Variants in DNPEP observed in about 807,000 individuals in gnomAD.
DNPEP encodes aspartyl aminopeptidase.
In DNPEP, 46 loss-of-function variants were observed where a neutral mutation model predicts 59.1. That is an observed-to-expected ratio of 0.78 (90% CI 0.61 to 0.99). DNPEP has a LOEUF of 0.99. DNPEP is among the 50% of genes least tolerant of loss of function. The probability of loss-of-function intolerance (pLI) is 0.00; values close to 1 mark genes in which losing one functional copy is unlikely to be tolerated. For synonymous variants in DNPEP, 229 were observed against 242.2 expected, an observed-to-expected ratio of 0.95 and a Z score of 0.50; for missense variants, 617 against 649.9, an observed-to-expected ratio of 0.95 and a Z score of 0.55.
In DNPEP at chr2:219,372,948, G is replaced by A. The variant is rs573532196; in HGVS notation, c.*1344C>T. ...ATTAAGTTTTTTAGAAAGCTGAAGT[G>A]GAATATTTATATGGAAATAAACTTT... On this transcript the variant is annotated 3_prime_UTR_variant, in exon 15 of 15. Coordinates refer to ENST00000273075, the MANE Select transcript of DNPEP (RefSeq NM_012100.4). 4.6e-5 allele frequency among the ~76,000 whole-genome samples: 7 copies of A among 152,096 alleles called. 1 individual carries two copies. The highest frequency in any genetic ancestry group is 1.4e-4 in the African/African-American group (6 of 41,494).
intron 10 of DNPEP, among the ~76,000 whole-genome samples, chr2:219,382,705 A>G (rs1301751874): frequency 6.6e-6 from 1 of 152,200 alleles, no homozygotes. Context: ...CTGAAATGGA[A>G]GTCATGTGTT....
chr2:219,379,980 G>A (rs1160826532), intron 13 of DNPEP, among the ~76,000 whole-genome samples: 1 of 151,768 alleles, frequency 6.6e-6, no homozygotes, highest in Admixed American at 6.6e-5. Context: ...CTAATTTATT[G>A]TTGAAGAAAT....
chr2:219,384,770 T>A (rs1953741276), intron 8 of DNPEP: 1 of 257,020 alleles, frequency 3.9e-6, no homozygotes, highest in South Asian at 3.8e-5. Context: ...GGTTTCACCA[T>A]GGTGGTCAGG....
chr2:219,387,596 C>A lies in DNPEP; in HGVS notation c.36+163G>T, dbSNP rs935936573. On this transcript the variant is annotated intron_variant, in intron 1 of 14. Transcript: ENST00000273075. ...CCCACCTAGTCTCTCGCAGGACTCCCCCTTCCAGTCCCGGGAAAGTCGTCA... is the reference window on the plus strand; with the variant it reads ...CCCACCTAGTCTCTCGCAGGACTCCACCTTCCAGTCCCGGGAAAGTCGTCA... 18 of 1,530,192 alleles carry A rather than the reference C, an allele frequency of 1.2e-5. No individual in the cohort carries two copies. The Admixed American group carries it at 3.5e-4, about 29-fold the overall frequency. 94.8% of individuals were successfully genotyped at this position (1,530,192 alleles called of 1,614,324 possible).
At chr2:219,374,720 C>T (rs747786770) in intron 14 of DNPEP, 135 bp downstream of exon 14, 5 of 1,075,094 alleles carry the variant, frequency 4.7e-6, no homozygotes, top group Non-Finnish European at 6.6e-6. Flanking sequence ...TGTTTTCCTA[C>T]ATGGCCCCAG....
At chr2:219,376,494 A>G (rs529602813) in intron 13 of DNPEP, among the ~76,000 whole-genome samples, 1 of 152,154 alleles carries the variant, frequency 6.6e-6, no homozygotes, top group Non-Finnish European at 1.5e-5. Context: ...TCTAAAAAAA[A>G]AAAAAGAAAA....
In DNPEP at chr2:219,386,226, T is replaced by C. The variant is rs1404476896; in HGVS notation, c.459+60A>G. The C allele has an allele frequency of 5.0e-6, 8 of 1,612,596 alleles. No homozygotes were observed. In the Admixed American group the frequency reaches 8.3e-5, roughly 17 times the overall value. On this transcript the variant is annotated intron_variant, in intron 5 of 14. Transcript: ENST00000273075. ...CCACCCCTCTTCCCCACGGGTACCC[T>C]GAGGAGTGTGGCAGTCAGTCTTCTG...
chr2:219,379,530 A>G (rs1953502306), intron 13 of DNPEP, among the ~76,000 whole-genome samples: 1 of 152,236 alleles, frequency 6.6e-6, no homozygotes, highest in African/African-American at 2.4e-5. Context: ...ATAAGGATAC[A>G]AAAAAGAAAA....
intron 1 of DNPEP, chr2:219,399,738 G>A (rs749723095): frequency 1.4e-6 from 1 of 734,398 alleles, no homozygotes; most frequent in African/African-American, 1.8e-5. Context: ...CAGACTGAGA[G>A]CAGGGGACCC....
At chr2:219,387,625 C>A in intron 1 of DNPEP, 134 bp downstream of exon 1, 1 of 1,544,284 alleles carries the variant, frequency 6.5e-7, no homozygotes, top group South Asian at 1.2e-5. Flanking sequence ...GTCGTCAGGT[C>A]ACCCTCCGCG....
chr2:219,381,214 C>G (rs1303042125), intron 13 of DNPEP, 121 bp downstream of exon 13: 2 of 842,856 alleles, frequency 2.4e-6, no homozygotes, highest in African/African-American at 3.3e-5. Context: ...TTTTCTCACT[C>G]TACTGGGACC....
intron 1 of DNPEP, 161 bp downstream of exon 1, chr2:219,387,598 C>G: frequency 6.5e-7 from 1 of 1,531,684 alleles, no homozygotes; most frequent in South Asian, 1.2e-5. Context: ...AGGACTCCCC[C>G]TTCCAGTCCC....
intron 1 of DNPEP, 151 bp from the exon 2 acceptor site, chr2:219,387,314 C>A: frequency 6.9e-7 from 1 of 1,447,380 alleles, no homozygotes; most frequent in African/African-American, 1.4e-5. Context: ...AGACCCAAAC[C>A]CAGGGCTGAA....
At chr2:219,391,975 G>T (rs1379668363), upstream of DNPEP, among the ~76,000 whole-genome samples, 1 of 151,886 alleles carries the variant, frequency 6.6e-6, no homozygotes, top group African/African-American at 2.4e-5. Context: ...TAAGGTGAGG[G>T]CCTTTAGATA....
intron 1 of DNPEP, among the ~76,000 whole-genome samples, chr2:219,396,310 G>T (rs1954096135): frequency 6.6e-6 from 1 of 152,164 alleles, no homozygotes; most frequent in Admixed American, 6.5e-5. Flanking sequence ...ACAAGGGCTG[G>T]GCGTGGGTGG....
In DNPEP at chr2:219,385,669, C is replaced by T; in HGVS notation, c.628G>A (p.Glu210Lys). 1 of 1,610,474 alleles carries T rather than the reference C, an allele frequency of 6.2e-7. No homozygotes were observed. Among genetic ancestry groups the T allele is most frequent in the East Asian group, 2.2e-5 (1 of 44,788 alleles). Residue 210 changes from glutamate to lysine, a missense_variant, in exon 7 of 15, where the codon GAG becomes AAG. Glu to Lys is a moderately conservative substitution (Grantham distance 56, BLOSUM62 1). Coordinates refer to ENST00000273075, the MANE Select transcript of DNPEP (RefSeq NM_012100.4). ...GGCCCTGGCTCAGGAGTCCCCTTCT[C>T]CAGCTCCTCCTGGATGGCTGTGGCA... ...ILATAIQEELEKGTPEPGPLN... is the reference protein window; with the variant it reads ...ILATAIQEELKKGTPEPGPLN...
intron 13 of DNPEP, 66 bp downstream of exon 13, chr2:219,381,269 G>C (rs1051008419): frequency 7.2e-7 from 1 of 1,396,010 alleles, no homozygotes; most frequent in Non-Finnish European, 1.0e-6. Context: ...TTCATGGGGG[G>C]CCCATCTGTT....
upstream of DNPEP, chr2:219,387,994 T>C: frequency 8.4e-7 from 1 of 1,192,876 alleles, no homozygotes; most frequent in Non-Finnish European, 1.1e-6. Flanking sequence ...CCCACCTCGG[T>C]CAGCCCCGCC....
intron 13 of DNPEP, among the ~76,000 whole-genome samples, chr2:219,375,692 G>T (rs1953345215): frequency 6.6e-6 from 1 of 152,110 alleles, no homozygotes; most frequent in Non-Finnish European, 1.5e-5. Flanking sequence ...CTCCCAAGTA[G>T]CTGGGATTAC....
Sources: gnomAD v4.1 joint callset for allele counts (sites outside exome capture counted in the v4.1 genomes callset) on GRCh38, gnomAD v4.1.1 for gene constraint, MANE v1.5 for transcripts, NCBI Gene and HGNC (gene_info 2026-07-23, HGNC 2026-07-21) for gene names.